Variants in NABP1 observed in about 807,000 individuals in gnomAD.
NABP1 encodes nucleic acid binding protein 1, also known as SOSS complex subunit B2.
A neutral mutation model predicts 25.0 loss-of-function variants in NABP1; 18 were observed. That is an observed-to-expected ratio of 0.72 (90% CI 0.50 to 1.07). NABP1 has a LOEUF of 1.07. Among genes scored for constraint, NABP1 ranks in the 50% least tolerant of loss-of-function variants. The probability of loss-of-function intolerance (pLI) is 0.00; values close to 1 mark genes in which losing one functional copy is unlikely to be tolerated. For synonymous variants in NABP1, 71 were observed against 85.0 expected (o/e 0.84, Z 0.91); for missense variants, 270 against 255.6 (o/e 1.06, Z -0.39).
intron 1 of NABP1, 73 bp from the exon 2 acceptor site, chr2:191,678,917 G>C: frequency 6.3e-7 from 1 of 1,590,088 alleles, no homozygotes; most frequent in Non-Finnish European, 8.6e-7. Flanking sequence ...TTAAAATACC[G>C]GAGGAGGAGT....
At chr2:191,681,577 G>T (rs925860977) in intron 2 of NABP1, among the ~76,000 whole-genome samples, 19 of 152,116 alleles carry the variant, frequency 1.2e-4, no homozygotes, top group African/African-American at 4.6e-4. Flanking sequence ...ACATTAGGAT[G>T]ATTTTACATA....
intron 2 of NABP1, among the ~76,000 whole-genome samples, chr2:191,680,830 T>C (rs1574755586): frequency 6.6e-6 from 1 of 152,310 alleles, no homozygotes; most frequent in Middle Eastern, 3.4e-3. Flanking sequence ...TTCTGTGAAA[T>C]GGGAATAATT....
chr2:191,681,176 C>T (rs961997626), intron 2 of NABP1, among the ~76,000 whole-genome samples: 6 of 152,070 alleles, frequency 3.9e-5, no homozygotes, highest in Admixed American at 6.5e-5. Flanking sequence ...TAATAAATAA[C>T]CCTTTAATTA....
intron 2 of NABP1, among the ~76,000 whole-genome samples, chr2:191,681,730 A>G (rs1209800091): frequency 1.3e-5 from 2 of 152,166 alleles, no homozygotes; most frequent in Non-Finnish European, 2.9e-5. Flanking sequence ...TATGATTTAG[A>G]TAATTATGTC....
intron 2 of NABP1, 138 bp downstream of exon 2, chr2:191,679,266 A>G: frequency 9.8e-7 from 1 of 1,022,710 alleles, no homozygotes; most frequent in Admixed American, 2.6e-5. Flanking sequence ...CTTTGGTGTT[A>G]ACTTTGGGTG....
At position 191,684,700 on chromosome 2, in the gene NABP1, T is replaced by C. The variant is rs573855947; in HGVS notation, c.445+404T>C. 8.5e-4 allele frequency among the ~76,000 whole-genome samples: 130 copies of C among 152,334 alleles called. 1 individual carries two copies. The highest frequency in any genetic ancestry group is 1.5e-3 in the Non-Finnish European group (105 of 68,026). ...AAGATGAGCTGAGCCGTTTAAAGGC[T>C]AGTGACCCTCAGATGTCATTTAACA... On this transcript the variant is annotated intron_variant, in intron 5 of 5. Transcript: ENST00000425611.
intron 1 of NABP1, 141 bp downstream of exon 1, chr2:191,678,846 A>G: frequency 9.8e-7 from 1 of 1,017,838 alleles, no homozygotes; most frequent in Non-Finnish European, 1.4e-6. Flanking sequence ...CCTCCGCCCG[A>G]GATCGGATCC....
Position 191,683,797 on chromosome 2 carries a change from A to G in NABP1, c.371A>G (p.Asn124Ser). 1 of 1,606,902 alleles carries G rather than the reference A, an allele frequency of 6.2e-7. No homozygotes were observed. Among genetic ancestry groups the G allele is most frequent in the Non-Finnish European group, 8.5e-7 (1 of 1,177,744 alleles). The change falls in exon 4 of 6, where the codon AAC (asparagine) becomes AGC (serine). Residue 124 changes from asparagine (N) to serine (S), a missense_variant. Coordinates refer to ENST00000425611, the MANE Select transcript of NABP1 (RefSeq NM_001031716.5). This position sits in a 1 kb window ranked among gnomAD's most constrained non-coding sequence, Gnocchi z 4.1. ...EPNPDYRGQQ[N>S]KGAQSEQKNN... ...AACCCAGATTATCGAGGACAGCAGA[A>G]CAAAGGGGTAATTGTGTAGTATACT...
At chr2:191,678,872 C>T (rs1255917773) in intron 1 of NABP1, 118 bp from the exon 2 acceptor site, 4 of 1,453,026 alleles carry the variant, frequency 2.8e-6, no homozygotes, top group Non-Finnish European at 3.8e-6. Context: ...GAGGCGGGAG[C>T]CCTGGGCTTG....
chr2:191,678,323 C>A lies in NABP1; in HGVS notation c.-292C>A, dbSNP rs1203612330. The A allele has an allele frequency of 8.1e-6, 2 of 247,242 alleles. No individual in the cohort carries two copies. The highest frequency in any genetic ancestry group is 1.1e-4 in the Admixed American group (2 of 18,716). The allele number at this position is 247,242 out of a possible 1,614,324, so 15.3% of individuals were successfully genotyped here. On this transcript the variant is annotated 5_prime_UTR_variant, in exon 1 of 6. Coordinates refer to ENST00000425611, the MANE Select transcript of NABP1 (RefSeq NM_001031716.5). The stretch of plus-strand genomic sequence containing the variant: ...TATCCAAAGAACGGGGCAGTTAGTA[C>A]GCTTGCCTTCCTGTCGCCCGGTTGG...
Position 191,683,057 on chromosome 2 carries a change from G to T in NABP1, c.303-672G>T. 6.3e-6 allele frequency: 1 copy of T among 158,108 alleles called. No individual in the cohort carries two copies. The highest frequency in any genetic ancestry group is 1.4e-5 in the Non-Finnish European group (1 of 71,818). The allele number at this position is 158,108 out of a possible 1,614,324, so 9.8% of individuals were successfully genotyped here. On this transcript the variant is annotated intron_variant, in intron 3 of 5. Transcript: ENST00000425611. The surrounding 1 kb of genome is among the most constrained non-coding windows in gnomAD (Gnocchi z 4.1). ...GTCAGTTACGTGAAAAACCGTTAGAGGTCACTCATTTCTTAATGACTGCTC... is the reference window on the plus strand; with the variant it reads ...GTCAGTTACGTGAAAAACCGTTAGATGTCACTCATTTCTTAATGACTGCTC...
At chr2:191,682,637 C>CA in intron 3 of NABP1, 1 of 467,130 alleles carries the variant, frequency 2.1e-6, no homozygotes, top group Non-Finnish European at 4.4e-6. Flanking sequence ...GGGTTGTATT[C>CA]ATAAAGTATG....
chr2:191,682,081 G>T, intron 3 of NABP1, 64 bp downstream of exon 3: 1 of 1,035,516 alleles, frequency 9.7e-7, no homozygotes, highest in South Asian at 2.0e-5. Flanking sequence ...GGAATGATTG[G>T]TAGGTATGAA....
Position 191,681,206 on chromosome 2 carries a change from G to A in NABP1, c.231-740G>A, listed in dbSNP as rs1687677044. The stretch of plus-strand genomic sequence containing the variant: ...TAATTAAAGTAAAGAGAACTGTATA[G>A]TAAGTTAAAGTCATGAAGTTACCAT... On this transcript the variant is annotated intron_variant, in intron 2 of 5. Coordinates refer to ENST00000425611, the MANE Select transcript of NABP1 (RefSeq NM_001031716.5). Among the ~76,000 whole-genome samples the A allele has an allele frequency of 2.0e-5, 3 of 152,144 alleles. 1 individual carries two copies. The highest frequency in any genetic ancestry group is 4.1e-4 in the South Asian group (2 of 4,828).
rs1687830949 is a variant in NABP1 at position 191,686,659 on chromosome 2, C to T, written c.*891C>T. ...TGAAGTCCTAGTTACTTAATAGGTA[C>T]TCAGCCTGGAGTGAAAATCCTGGGT... On this transcript the variant is annotated 3_prime_UTR_variant, in exon 6 of 6. Transcript: ENST00000425611. 2 of 152,176 alleles carry T rather than the reference C, an allele frequency of 1.3e-5. No homozygotes were observed. The highest frequency in any genetic ancestry group is 2.4e-5 in the African/African-American group (1 of 41,442). The allele number at this position is 152,176 out of a possible 1,614,324, so 9.4% of individuals were successfully genotyped here. A position where few individuals can be genotyped will look rare whatever the true frequency, so the allele number is the denominator to read the frequency against.
In NABP1 at chr2:191,685,725, C is replaced by T. The variant is rs765356991; in HGVS notation, c.572C>T (p.Thr191Ile). The T allele has an allele frequency of 1.2e-6, 2 of 1,614,076 alleles. No individual in the cohort carries two copies. The highest frequency in any genetic ancestry group is 1.7e-5 in the Admixed American group (1 of 60,016). The change falls in exon 6 of 6, where the codon ACA becomes ATA. Residue 191 changes from threonine (T) to isoleucine (I), a missense_variant. Thr to Ile is a moderately conservative substitution (Grantham distance 89). Transcript: ENST00000425611. ...GTASNQTVMT[T>I]ISNGRDPRRA... ...GCTAGTAATCAAACAGTGATGACCA[C>T]AATAAGTAATGGCAGGGACCCTCGG...
Position 191,681,984 on chromosome 2 carries a change from CT to C in NABP1, c.270del (p.Gly91GlufsTer46), listed in dbSNP as rs750049949. 1.3e-6 allele frequency: 2 copies of C among 1,512,284 alleles called. No individual in the cohort carries two copies. Among genetic ancestry groups the C allele is most frequent in the African/African-American group, 2.9e-5 (2 of 69,192 alleles). The allele number at this position is 1,512,284 out of a possible 1,614,324, so 93.7% of individuals were successfully genotyped here. ...SMWKGCLTLY[T>X]GRGGELQKIG... ...TGGAAAGGATGTCTGACACTTTATACTGGAAGGGGTGGTGAACTTCAAAAAA... is the reference window on the plus strand; with the variant it reads ...TGGAAAGGATGTCTGACACTTTATACGGAAGGGGTGGTGAACTTCAAAAAA... On this transcript the variant is annotated frameshift_variant, in exon 3 of 6. Coordinates refer to ENST00000425611, the MANE Select transcript of NABP1 (RefSeq NM_001031716.5). LOFTEE classifies it high-confidence loss of function.
rs1167650275 is a variant in NABP1 at position 191,683,661 on chromosome 2, T to A, written c.303-68T>A. The A allele has an allele frequency of 1.8e-6, 2 of 1,092,160 alleles. No homozygotes were observed. Among genetic ancestry groups the A allele is most frequent in the Non-Finnish European group, 2.7e-6 (2 of 730,026 alleles). 67.7% of individuals were successfully genotyped at this position (1,092,160 alleles called of 1,614,324 possible). A position where few individuals can be genotyped will look rare whatever the true frequency, so the allele number is the denominator to read the frequency against. On this transcript the variant is annotated intron_variant, in intron 3 of 5. Transcript: ENST00000425611. The surrounding 1 kb of genome is among the most constrained non-coding windows in gnomAD (Gnocchi z 4.1). ...TAAGTTCATTCCTAAAAGTTAGAGA[T>A]GTTACATAAAGAAGGGTTGAGGACT...
chr2:191,680,596 A>C (rs574392701), intron 2 of NABP1, among the ~76,000 whole-genome samples: 1 of 152,200 alleles, frequency 6.6e-6, no homozygotes, highest in South Asian at 2.1e-4. Flanking sequence ...TACGCTAAAA[A>C]CGGCATCTTA....
Sources: gnomAD v4.1 joint callset for allele counts (sites outside exome capture counted in the v4.1 genomes callset) on GRCh38, gnomAD v4.1.1 for gene constraint, Gnocchi (gnomAD v3.1) non-coding constraint, MANE v1.5 for transcripts, NCBI Gene and HGNC (gene_info 2026-07-23, HGNC 2026-07-21) for gene names.